The following MAN1C1 variants were observed in gnomAD, a reference collection of about 807,000 sequenced individuals.
MAN1C1 encodes mannosidase alpha class 1C member 1.
Under a neutral mutation model 71.5 loss-of-function variants are expected in MAN1C1, and 49 were observed. The observed-to-expected ratio is 0.69, with a 90% CI of 0.54 to 0.87. The LOEUF is 0.87. MAN1C1 is among the 40% of genes least tolerant of loss of function. MAN1C1 has a pLI of 0.00. For synonymous variants in MAN1C1, 352 were observed against 343.7 expected, an observed-to-expected ratio of 1.02 and a Z score of -0.27; for missense variants, 743 against 835.0, an observed-to-expected ratio of 0.89 and a Z score of 1.36.
rs966547809 is a variant in MAN1C1 at position 25,780,635 on chromosome 1, T to C, written c.1478-305T>C. On this transcript the variant is annotated intron_variant, in intron 9 of 11. Coordinates refer to ENST00000374332, the MANE Select transcript of MAN1C1 (RefSeq NM_020379.4). Reference sequence around the variant, plus strand: ...AGAGCTATTGCCTCAAAGTACACAGTTGTGGAACCCCGCCCAAACCTTCAC... The same window carrying C: ...AGAGCTATTGCCTCAAAGTACACAGCTGTGGAACCCCGCCCAAACCTTCAC... 9 of 279,770 alleles carry C rather than the reference T, an allele frequency of 3.2e-5. 1 individual carries two copies. In the East Asian group the frequency reaches 6.3e-4, roughly 20 times the overall value. The allele number at this position is 279,770 out of a possible 1,614,324, so 17.3% of individuals were successfully genotyped here.
chr1:25,675,588 G>C lies in MAN1C1; in HGVS notation c.541-10852G>C, dbSNP rs910246733. Among the ~76,000 whole-genome samples the C allele has an allele frequency of 7.9e-5, 11 of 140,076 alleles. No individual in the cohort carries two copies. In the East Asian group the frequency reaches 8.3e-4, roughly 11 times the overall value. The allele number at this position is 140,076 out of a possible 152,430, so 91.9% of individuals were successfully genotyped here. On this transcript the variant is annotated intron_variant, in intron 1 of 11. Coordinates refer to ENST00000374332, the MANE Select transcript of MAN1C1 (RefSeq NM_020379.4). The stretch of plus-strand genomic sequence containing the variant: ...TTCATATAATGACTTATTTTGCGGG[G>C]GGGGGGGGAGGTGGTTACCCAGTGT...
intron 1 of MAN1C1, among the ~76,000 whole-genome samples, chr1:25,632,290 C>T (rs888637442): frequency 2.0e-5 from 3 of 152,162 alleles, no homozygotes; most frequent in South Asian, 2.1e-4. Flanking sequence ...AGTTTATGTG[C>T]GTAGAGATGT....
Position 25,753,432 on chromosome 1 carries a change from C to T in MAN1C1, c.835-52C>T, listed in dbSNP as rs897629617. On this transcript the variant is annotated intron_variant, in intron 4 of 11. Coordinates refer to ENST00000374332, the MANE Select transcript of MAN1C1 (RefSeq NM_020379.4). This position sits in a 1 kb window ranked among gnomAD's most constrained non-coding sequence, Gnocchi z 4.9. ...CTGCCTGCAGCAGTTCTGGGGTTGA[C>T]CTTCCCTCACCCAGCCTGGAGTCAA... is the stretch of plus-strand genomic sequence containing the variant. 6.9e-7 allele frequency: 1 copy of T among 1,445,314 alleles called. No homozygotes were observed. The highest frequency in any genetic ancestry group is 9.6e-7 in the Non-Finnish European group (1 of 1,044,060). The allele number at this position is 1,445,314 out of a possible 1,614,324, so 89.5% of individuals were successfully genotyped here. A position where few individuals can be genotyped will look rare whatever the true frequency, so the allele number is the denominator to read the frequency against.
intron 2 of MAN1C1, among the ~76,000 whole-genome samples, chr1:25,702,127 A>G (rs1049863870): frequency 9.2e-5 from 14 of 152,204 alleles, no homozygotes; most frequent in Admixed American, 9.2e-4. Context: ...CAAGAAGGAT[A>G]AAATCCCAAA....
At chr1:25,632,103 G>A (rs935434366) in intron 1 of MAN1C1, among the ~76,000 whole-genome samples, 2 of 152,176 alleles carry the variant, frequency 1.3e-5, no homozygotes, top group African/African-American at 2.4e-5. Flanking sequence ...ATGTCTGATA[G>A]AATTCAGCTG....
intron 2 of MAN1C1, among the ~76,000 whole-genome samples, chr1:25,738,226 A>G (rs149622132): frequency 8.5e-5 from 13 of 152,290 alleles, no homozygotes; most frequent in Non-Finnish European, 1.3e-4. Flanking sequence ...GGAAATAGCT[A>G]TCATGGGAAA....
chr1:25,640,287 C>A (rs945402333), intron 1 of MAN1C1, among the ~76,000 whole-genome samples: 7 of 152,268 alleles, frequency 4.6e-5, no homozygotes, highest in African/African-American at 1.7e-4. Context: ...AGTTTTAAGT[C>A]TCTTACTTAA....
chr1:25,763,765 T>A (rs2047391533), intron 6 of MAN1C1, 109 bp from the exon 7 acceptor site: 1 of 850,804 alleles, frequency 1.2e-6, no homozygotes, highest in African/African-American at 1.7e-5. Flanking sequence ...TGCCTCCTCA[T>A]AAGGTTTCCT....
chr1:25,651,370 C>A (rs1356192631), intron 1 of MAN1C1, among the ~76,000 whole-genome samples: 1 of 152,142 alleles, frequency 6.6e-6, no homozygotes, highest in Non-Finnish European at 1.5e-5. Flanking sequence ...GGCCTGTAAG[C>A]CTCTCCTGAG....
At chr1:25,757,399 C>T (rs141593413) in intron 5 of MAN1C1, among the ~76,000 whole-genome samples, 3 of 152,338 alleles carry the variant, frequency 2.0e-5, no homozygotes, top group Admixed American at 6.5e-5. Context: ...TGCTCTGCCC[C>T]ACCTCTGTCC....
chr1:25,746,750 G>A lies in MAN1C1; in HGVS notation c.720G>A (p.Lys240=), dbSNP rs2047134153. The A allele has an allele frequency of 6.2e-7, 1 of 1,607,844 alleles. No homozygotes were observed. ...MELKEEFQEA[K]AWVGESFHLN... ...TGAAGGAGGAGTTCCAGGAGGCCAA[G>A]GCCTGGGTGGGAGAGAGCTTCCACC... The change falls in exon 3 of 12, where the codon AAG becomes AAA. Residue 240 remains lysine, a synonymous_variant. Transcript: ENST00000374332. This position sits in a 1 kb window ranked among gnomAD's most constrained non-coding sequence, Gnocchi z 4.0.
chr1:25,642,898 A>G (rs781187372), intron 1 of MAN1C1, among the ~76,000 whole-genome samples: 2 of 151,938 alleles, frequency 1.3e-5, no homozygotes, highest in African/African-American at 4.8e-5. Context: ...GTGTGGGGAG[A>G]TGATTGTTTG....
At chr1:25,635,800 T>A (rs1160942561) in intron 1 of MAN1C1, among the ~76,000 whole-genome samples, 3 of 152,142 alleles carry the variant, frequency 2.0e-5, no homozygotes, top group African/African-American at 7.2e-5. Context: ...CTTCTTTAAT[T>A]CCTGTTATGG....
At chr1:25,646,693 A>G (rs2045619550) in intron 1 of MAN1C1, among the ~76,000 whole-genome samples, 1 of 152,216 alleles carries the variant, frequency 6.6e-6, no homozygotes, top group South Asian at 2.1e-4. Flanking sequence ...AAATGGAACC[A>G]TAGAATATGA....
chr1:25,661,262 T>C (rs1178827130), intron 1 of MAN1C1, among the ~76,000 whole-genome samples: 3 of 152,252 alleles, frequency 2.0e-5, no homozygotes, highest in Non-Finnish European at 4.4e-5. Context: ...TTCCTTTTAC[T>C]GTCTTGCCCG....
chr1:25,696,653 T>C (rs2046373634), intron 2 of MAN1C1, among the ~76,000 whole-genome samples: 1 of 152,188 alleles, frequency 6.6e-6, no homozygotes, highest in Non-Finnish European at 1.5e-5. Flanking sequence ...CTTTTCCTTC[T>C]TTTTTTAAAT....
chr1:25,765,870 A>G (rs934206748), intron 7 of MAN1C1, among the ~76,000 whole-genome samples: 1 of 152,234 alleles, frequency 6.6e-6, no homozygotes, highest in African/African-American at 2.4e-5. Context: ...CACTTAGAGA[A>G]ATGCAGAGTA....
intron 1 of MAN1C1, among the ~76,000 whole-genome samples, chr1:25,664,113 G>A (rs2045887755): frequency 6.6e-6 from 1 of 152,196 alleles, no homozygotes; most frequent in South Asian, 2.1e-4. Context: ...ATTCTGGGTA[G>A]AGGGGCCCAG....
intron 1 of MAN1C1, among the ~76,000 whole-genome samples, chr1:25,655,359 C>G (rs2045750106): frequency 6.6e-6 from 1 of 152,214 alleles, no homozygotes; most frequent in Non-Finnish European, 1.5e-5. Context: ...AGTTCCCCTT[C>G]TGCAAGGTGA....
Sources: allele counts gnomAD v4.1 joint callset (sites outside exome capture counted in the v4.1 genomes callset), GRCh38; gene constraint gnomAD v4.1.1; non-coding constraint Gnocchi (gnomAD v3.1); transcripts MANE v1.5; gene names NCBI Gene and HGNC (gene_info 2026-07-23, HGNC 2026-07-21).